WWOX: variants seen among roughly 807,000 people sequenced by gnomAD.
WWOX encodes WW domain-containing oxidoreductase.
WWOX carries 69 observed loss-of-function variants against 46.2 expected under a neutral mutation model. That is an observed-to-expected ratio of 1.49 (90% CI 1.23 to 1.82). WWOX has a LOEUF of 1.82. WWOX is among the 40% of genes most tolerant of loss of function. The pLI is 0.00. For missense variants in WWOX, 919 were observed against 542.6 expected, an observed-to-expected ratio of 1.69 and a Z score of -6.89; for synonymous variants, 359 against 202.6, an observed-to-expected ratio of 1.77 and a Z score of -6.56.
intron 8 of WWOX, among the ~76,000 whole-genome samples, chr16:78,883,350 A>G (rs1002236981): frequency 6.6e-6 from 1 of 152,202 alleles, no homozygotes; most frequent in East Asian, 1.9e-4. Flanking sequence ...ACCCTGAATC[A>G]GAAAAAGGAC....
intron 8 of WWOX, among the ~76,000 whole-genome samples, chr16:79,102,942 C>G (rs773695943): frequency 2.0e-5 from 3 of 152,118 alleles, no homozygotes; most frequent in Non-Finnish European, 4.4e-5. Flanking sequence ...TCCTCCCTCT[C>G]TTCCTTCTCT....
At chr16:78,395,284 C>T (rs111247552) in intron 6 of WWOX, among the ~76,000 whole-genome samples, 1 of 152,244 alleles carries the variant, frequency 6.6e-6, no homozygotes, top group East Asian at 1.9e-4. Flanking sequence ...TTTGGGAGGC[C>T]AAGGCAGGCA....
intron 8 of WWOX, among the ~76,000 whole-genome samples, chr16:78,967,398 C>A (rs1403811698): frequency 1.3e-5 from 2 of 149,870 alleles, no homozygotes; most frequent in East Asian, 4.0e-4. Flanking sequence ...TTCCACCCAC[C>A]TCAGCCTCCT....
intron 8 of WWOX, among the ~76,000 whole-genome samples, chr16:78,566,186 A>C (rs1021245649): frequency 5.3e-5 from 8 of 151,586 alleles, no homozygotes; most frequent in Non-Finnish European, 5.9e-5. Context: ...ATCCCATCGT[A>C]CCCCGTCCCC....
At chr16:78,923,512 T>C (rs1008471185) in intron 8 of WWOX, among the ~76,000 whole-genome samples, 2 of 152,138 alleles carry the variant, frequency 1.3e-5, no homozygotes, top group African/African-American at 2.4e-5. Flanking sequence ...GAATATCAAC[T>C]TTTTCAGAAA....
At chr16:78,255,944 G>T (rs534579190) in intron 5 of WWOX, among the ~76,000 whole-genome samples, 1 of 151,976 alleles carries the variant, frequency 6.6e-6, no homozygotes, top group African/African-American at 2.4e-5. Flanking sequence ...AAGGTAAGGG[G>T]TTTGAGACCA....
chr16:78,320,508 G>A (rs1303800748), intron 5 of WWOX, among the ~76,000 whole-genome samples: 2 of 152,232 alleles, frequency 1.3e-5, no homozygotes, highest in Non-Finnish European at 1.5e-5. Flanking sequence ...ATAAATCCCC[G>A]TAAGAGCATT....
intron 8 of WWOX, among the ~76,000 whole-genome samples, chr16:78,711,616 T>C (rs1328778003): frequency 2.0e-5 from 3 of 152,172 alleles, no homozygotes; most frequent in Admixed American, 6.5e-5. Flanking sequence ...GTTTTTATAG[T>C]GCCATTCCTA....
intron 8 of WWOX, among the ~76,000 whole-genome samples, chr16:78,532,240 G>A (rs2043640285): frequency 6.6e-6 from 1 of 152,086 alleles, no homozygotes; most frequent in African/African-American, 2.4e-5. Context: ...AAATGAAAAT[G>A]AGTACTTGCA....
intron 8 of WWOX, among the ~76,000 whole-genome samples, chr16:78,727,753 G>C (rs1336505806): frequency 6.6e-6 from 1 of 152,064 alleles, no homozygotes; most frequent in Non-Finnish European, 1.5e-5. Flanking sequence ...GGACTCCATG[G>C]GAGAGGTCAG....
At chr16:78,518,031 T>C (rs1377558751) in intron 8 of WWOX, among the ~76,000 whole-genome samples, 1 of 151,820 alleles carries the variant, frequency 6.6e-6, no homozygotes, top group Non-Finnish European at 1.5e-5. Context: ...CACCTTCCTA[T>C]GTCTTTGAGC....
At chr16:78,654,225 C>G (rs1044911481) in intron 8 of WWOX, among the ~76,000 whole-genome samples, 2 of 152,090 alleles carry the variant, frequency 1.3e-5, no homozygotes, top group East Asian at 1.9e-4. Flanking sequence ...AGCTCACAGC[C>G]CTGAAAACCC....
At chr16:78,397,958 G>A (rs1163071750) in intron 6 of WWOX, among the ~76,000 whole-genome samples, 2 of 152,208 alleles carry the variant, frequency 1.3e-5, no homozygotes, top group Non-Finnish European at 2.9e-5. Flanking sequence ...AGAGGGTGCT[G>A]CTTCATGGAG....
At position 79,080,690 on chromosome 16, in the gene WWOX, G is replaced by C. The variant is rs563697952; in HGVS notation, c.1057-130918G>C. Among the ~76,000 whole-genome samples, 5 of 152,276 alleles carry C rather than the reference G, an allele frequency of 3.3e-5. No homozygotes were observed. The South Asian group carries it at 1.0e-3, about 32-fold the overall frequency. ...TTGTTGAAAAACCATGGCTTAGCCG[G>C]GTACAGTGGCTCATACCTGTAATCC... On this transcript the variant is annotated intron_variant, in intron 8 of 8. Coordinates refer to ENST00000566780, the MANE Select transcript of WWOX (RefSeq NM_016373.4).
chr16:78,956,107 C>A (rs746391319), intron 8 of WWOX, among the ~76,000 whole-genome samples: 1 of 152,026 alleles, frequency 6.6e-6, no homozygotes, highest in Non-Finnish European at 1.5e-5. Context: ...GGCTCACTAT[C>A]TACATCCCCA....
chr16:79,066,502 A>G (rs2048444432), intron 8 of WWOX, among the ~76,000 whole-genome samples: 1 of 152,104 alleles, frequency 6.6e-6, no homozygotes, highest in South Asian at 2.1e-4. Flanking sequence ...GGAAGGGGGA[A>G]GGGAAGAAGG....
intron 8 of WWOX, among the ~76,000 whole-genome samples, chr16:79,046,844 C>A (rs2048075049): frequency 6.6e-6 from 1 of 152,314 alleles, no homozygotes; most frequent in South Asian, 2.1e-4. Flanking sequence ...TCCAACTCTT[C>A]TTCCATTTCT....
chr16:78,525,680 A>C (rs369782643), intron 8 of WWOX: 1 of 152,144 alleles, frequency 6.6e-6, no homozygotes, highest in Non-Finnish European at 1.5e-5. Context: ...CCCAAGGACA[A>C]TGGTGGGCTG....
At chr16:79,158,915 C>T (rs2050433084) in intron 8 of WWOX, among the ~76,000 whole-genome samples, 1 of 152,184 alleles carries the variant, frequency 6.6e-6, no homozygotes, top group Non-Finnish European at 1.5e-5. Flanking sequence ...GTTCCTACAA[C>T]AGTGCCCAGG....
Sources: gnomAD v4.1 joint callset for allele counts (sites outside exome capture counted in the v4.1 genomes callset) on GRCh38, gnomAD v4.1.1 for gene constraint, MANE v1.5 for transcripts, NCBI Gene and HGNC (gene_info 2026-07-23, HGNC 2026-07-21) for gene names.